CELF2: variants seen among roughly 807,000 people sequenced by gnomAD.
CELF2 encodes the protein CUG triplet repeat RNA-binding protein 2.
Under a neutral mutation model 62.6 loss-of-function variants are expected in CELF2, and 8 were observed. The observed-to-expected ratio is 0.13, with a 90% CI of 0.07 to 0.23. The LOEUF (loss-of-function observed/expected upper bound fraction) is 0.23. Among genes scored for constraint, CELF2 ranks in the 10% least tolerant of loss-of-function variants. CELF2 has a pLI of 1.00. For missense variants in CELF2, 333 were observed against 671.0 expected (o/e 0.50, Z 5.56); for synonymous variants, 258 against 250.0 (o/e 1.03, Z -0.30).
Position 11,321,519 on chromosome 10 carries a change from T to TAAAA in CELF2, c.1294+144_1294+147dup. The TAAAA allele has an allele frequency of 5.2e-6, 3 of 572,242 alleles. No individual in the cohort carries two copies. Among genetic ancestry groups the TAAAA allele is most frequent in the South Asian group, 2.4e-5 (1 of 41,536 alleles). 35.4% of individuals were successfully genotyped at this position (572,242 alleles called of 1,614,324 possible). On this transcript the variant is annotated intron_variant, in intron 11 of 12. Transcript: ENST00000633077. The surrounding 1 kb of genome is among the most constrained non-coding windows in gnomAD (Gnocchi z 6.2). ...AAGCAGTTGTTTTGTTATTCATGTT[T>TAAAA]AAAAAAAAAAAAAACTGAAAGCTGG... is the stretch of plus-strand genomic sequence containing the variant.
At chr10:11,089,947 T>A (rs2047858836) in intron 1 of CELF2, among the ~76,000 whole-genome samples, 1 of 152,172 alleles carries the variant, frequency 6.6e-6, no homozygotes, top group Non-Finnish European at 1.5e-5. Context: ...CCACATGTTG[T>A]CACTTGAAAG....
chr10:11,273,366 T>G (rs1040798118), intron 7 of CELF2, among the ~76,000 whole-genome samples: 2 of 152,160 alleles, frequency 1.3e-5, no homozygotes, highest in Admixed American at 6.5e-5. Flanking sequence ...ACGAACCTGG[T>G]CTAAACTGCA....
rs1367164385 is a variant in CELF2 at position 11,280,250 on chromosome 10, G to T, written c.841+5130G>T. ...AGTGAAGCCCGCTGTTAGTTCTGGG[G>T]AGGAATAAGGGGAGTTGCAGGAGAG... On this transcript the variant is annotated intron_variant, in intron 8 of 12. Coordinates refer to ENST00000633077, the MANE Select transcript of CELF2 (RefSeq NM_001326342.2). The surrounding 1 kb of genome is among the most constrained non-coding windows in gnomAD (Gnocchi z 7.6). 6.6e-6 allele frequency among the ~76,000 whole-genome samples: 1 copy of T among 152,180 alleles called. No homozygotes were observed. Among genetic ancestry groups the T allele is most frequent in the African/African-American group, 2.4e-5 (1 of 41,456 alleles).
chr10:11,245,366 T>C (rs189464572), intron 3 of CELF2, among the ~76,000 whole-genome samples: 1 of 152,364 alleles, frequency 6.6e-6, no homozygotes, highest in Admixed American at 6.5e-5. Context: ...GAACTGTTCA[T>C]GGTAATGAGC....
At chr10:10,469,228 T>C in the CELF2 span, among the ~76,000 whole-genome samples, 18 of 151,972 alleles carry the variant, frequency 1.2e-4, no homozygotes, top group Non-Finnish European at 2.1e-4. Flanking sequence ...AAATTCTTAT[T>C]AGGATTTTCT....
intron 2 of CELF2, among the ~76,000 whole-genome samples, chr10:11,187,299 G>A (rs2075206028): frequency 6.6e-6 from 1 of 152,000 alleles, no homozygotes; most frequent in African/African-American, 2.4e-5. Context: ...TTATTTCTGG[G>A]ATTATCCTTT....
At chr10:10,991,633 T>G (rs2053453025) in intron 2 of CELF2, among the ~76,000 whole-genome samples, 1 of 152,206 alleles carries the variant, frequency 6.6e-6, no homozygotes, top group African/African-American at 2.4e-5. Context: ...CTCAATTTTT[T>G]TTGGAGGAGT....
At chr10:11,005,260 G>T, upstream of CELF2, 14 of 1,029,930 alleles carry the variant, frequency 1.4e-5, no homozygotes, top group Non-Finnish European at 1.7e-5. This position sits in a 1 kb window ranked among gnomAD's most constrained non-coding sequence, Gnocchi z 4.3. Context: ...GAGAGGGAGA[G>T]AGAGAGAGAG....
At chr10:10,939,351 A>G (rs2046788892) in intron 2 of CELF2, among the ~76,000 whole-genome samples, 1 of 152,010 alleles carries the variant, frequency 6.6e-6, no homozygotes, top group Non-Finnish European at 1.5e-5. Flanking sequence ...CAGTGGTGTG[A>G]TCTGGCTCAC....
intron 1 of CELF2, among the ~76,000 whole-genome samples, chr10:11,163,742 A>T (rs931080832): frequency 1.3e-5 from 2 of 152,230 alleles, no homozygotes; most frequent in Non-Finnish European, 2.9e-5. Flanking sequence ...GGATACGAAG[A>T]AGTAGAAATT....
rs1590805766 is a variant in CELF2, at chr10:11,290,286, T to C, written c.976+1734T>C. 3.3e-5 allele frequency among the ~76,000 whole-genome samples: 5 copies of C among 152,138 alleles called. No homozygotes were observed. Among genetic ancestry groups the C allele is most frequent in the Admixed American group, 6.5e-5 (1 of 15,278 alleles). On this transcript the variant is annotated intron_variant, in intron 9 of 12. Transcript: ENST00000633077. This position sits in a 1 kb window ranked among gnomAD's most constrained non-coding sequence, Gnocchi z 4.3. ...AAAGGGGACTGGAGGAGGTGACCCC[T>C]CTCTCAAAAGGTGACCTTTGAGCAG...
intron 1 of CELF2, among the ~76,000 whole-genome samples, chr10:11,119,324 C>T (rs2057236598): frequency 6.6e-6 from 1 of 152,204 alleles, no homozygotes; most frequent in Non-Finnish European, 1.5e-5. Flanking sequence ...ACTTTGGTAA[C>T]AATCCTGTGT....
chr10:10,805,574 C>G (rs1290346220), intron 1 of CELF2, among the ~76,000 whole-genome samples: 1 of 152,080 alleles, frequency 6.6e-6, no homozygotes, highest in East Asian at 1.9e-4. Context: ...TGGGATCACC[C>G]TAGGGATGTG....
At chr10:10,462,615 C>CTTTTTTTT in the CELF2 span, among the ~76,000 whole-genome samples, 3 of 69,414 alleles carry the variant, frequency 4.3e-5, no homozygotes, top group Non-Finnish European at 5.1e-5. Context: ...TTTTTTTCAT[C>CTTTTTTTT]TTTTTTTTTT....
chr10:10,997,104 C>A lies in CELF2; in HGVS notation c.89+77105C>A, dbSNP rs2054036278. On this transcript the variant is annotated intron_variant, in intron 2 of 13. Coordinates refer to the CELF2 transcript ENST00000636488. The surrounding 1 kb of genome is among the most constrained non-coding windows in gnomAD (Gnocchi z 5.3). The stretch of plus-strand genomic sequence containing the variant: ...TCTCTCTACAGCTGCTGCCTGGCAA[C>A]ATGGAATAGTGATGCCCATCCCTTC... Among the ~76,000 whole-genome samples the A allele has an allele frequency of 6.6e-6, 1 of 152,154 alleles. No homozygotes were observed. The highest frequency in any genetic ancestry group is 1.5e-5 in the Non-Finnish European group (1 of 68,050).
the CELF2 span, among the ~76,000 whole-genome samples, chr10:10,731,417 C>A: frequency 6.6e-6 from 1 of 152,182 alleles, no homozygotes; most frequent in East Asian, 1.9e-4. Context: ...TGTATGGTTC[C>A]ATTGTATTGC....
the CELF2 span, among the ~76,000 whole-genome samples, chr10:10,781,400 G>T: frequency 5.9e-5 from 9 of 152,146 alleles, no homozygotes; most frequent in African/African-American, 2.2e-4. Context: ...ATAAAGGAAA[G>T]GAGGTTTAAT....
chr10:10,712,517 T>C, the CELF2 span, among the ~76,000 whole-genome samples: 1 of 152,150 alleles, frequency 6.6e-6, no homozygotes, highest in Admixed American at 6.5e-5. Context: ...AGGCCCTCCT[T>C]TCCTACCCTC....
intron 1 of CELF2, among the ~76,000 whole-genome samples, chr10:10,919,522 A>G (rs977550270): frequency 1.3e-5 from 2 of 152,224 alleles, no homozygotes; most frequent in African/African-American, 4.8e-5. Context: ...GTTCCTTCAT[A>G]AGCTTCGGGT....
Sources: gnomAD v4.1 joint callset for allele counts (sites outside exome capture counted in the v4.1 genomes callset) on GRCh38, gnomAD v4.1.1 for gene constraint, Gnocchi (gnomAD v3.1) non-coding constraint, MANE v1.5 for transcripts, NCBI Gene and HGNC (gene_info 2026-07-23, HGNC 2026-07-21) for gene names.